Variants in IFRD1 observed in about 807,000 individuals in gnomAD.
IFRD1 encodes interferon-related developmental regulator 1.
A neutral mutation model predicts 52.9 loss-of-function variants in IFRD1; 35 were observed. The observed-to-expected ratio is 0.66, with a 90% CI of 0.51 to 0.88. The LOEUF (loss-of-function observed/expected upper bound fraction) is 0.88. Ranked by LOEUF, IFRD1 falls within the 40% of genes least tolerant of loss-of-function variation. IFRD1 has a pLI of 0.00. For synonymous variants in IFRD1, 184 were observed against 188.4 expected (o/e 0.98, Z 0.19); for missense variants, 517 against 550.8 (o/e 0.94, Z 0.61).
At chr7:112,465,983 ATTTATAAT>A (rs1795599431) in intron 8 of IFRD1, among the ~76,000 whole-genome samples, 1 of 152,204 alleles carries the variant, frequency 6.6e-6, no homozygotes, top group African/African-American at 2.4e-5. Flanking sequence ...GATAAAATAG[ATTTATAAT>A]TTATAAAACT....
chr7:112,465,104 T>C (rs1795574231), intron 8 of IFRD1, among the ~76,000 whole-genome samples: 1 of 152,178 alleles, frequency 6.6e-6, no homozygotes, highest in Non-Finnish European at 1.5e-5. Context: ...GGCAAGATCA[T>C]ACCTCACTGC....
chr7:112,467,975 G>T lies in IFRD1; in HGVS notation c.907-6G>T, dbSNP rs1795654917. Reference sequence around the variant, plus strand: ...TAAAGGAAACAAAATTGCTTTTCTTGTCCAGGACTTTTTTTATGAAGACAT... The same window carrying T: ...TAAAGGAAACAAAATTGCTTTTCTTTTCCAGGACTTTTTTTATGAAGACAT... On this transcript the variant is annotated splice_polypyrimidine_tract_variant and splice_region_variant and intron_variant, in intron 8 of 11. Transcript: ENST00000403825. 6.2e-7 allele frequency: 1 copy of T among 1,613,736 alleles called. No individual in the cohort carries two copies. Among genetic ancestry groups the T allele is most frequent in the Non-Finnish European group, 8.5e-7 (1 of 1,179,742 alleles).
At chr7:112,448,118 T>C (rs1200141782), upstream of IFRD1, among the ~76,000 whole-genome samples, 3 of 121,236 alleles carry the variant, frequency 2.5e-5, no homozygotes, top group Non-Finnish European at 5.1e-5. Context: ...TTCCTGGGCC[T>C]GTAGATTTAA....
chr7:112,442,417 G>A (rs138416657), intron 1 of IFRD1, among the ~76,000 whole-genome samples: 5 of 152,306 alleles, frequency 3.3e-5, no homozygotes, highest in Non-Finnish European at 7.3e-5. Context: ...ACATAATGAT[G>A]TCATTTTTAT....
chr7:112,463,895 C>CA (rs1491384023), intron 8 of IFRD1, among the ~76,000 whole-genome samples: 67 of 9,380 alleles, frequency 7.1e-3, no homozygotes, highest in African/African-American at 0.031. Context: ...CACACACACA[C>CA]CCCACGTATC....
Position 112,450,461 on chromosome 7 carries a change from C to T in IFRD1, c.-228C>T, listed in dbSNP as rs1347052669. On this transcript the variant is annotated 5_prime_UTR_variant, in exon 1 of 12. Coordinates refer to ENST00000403825, the MANE Select transcript of IFRD1 (RefSeq NM_001550.4). ...AGGCGTCGTGGCCTCCCCTGCCCCG[C>T]CTTAGCTCCCGCGCTAGAGAGAAAC... is the stretch of plus-strand genomic sequence containing the variant. 6 of 580,554 alleles carry T rather than the reference C, an allele frequency of 1.0e-5. No homozygotes were observed. The highest frequency in any genetic ancestry group is 9.4e-5 in the African/African-American group (5 of 53,336). The allele number at this position is 580,554 out of a possible 1,614,324, so 36.0% of individuals were successfully genotyped here.
At chr7:112,454,189 G>A (rs981438000) in intron 1 of IFRD1, among the ~76,000 whole-genome samples, 5 of 152,010 alleles carry the variant, frequency 3.3e-5, no homozygotes, top group Admixed American at 2.0e-4. Context: ...TTTAGTAACA[G>A]CATTGGTACT....
upstream of IFRD1, among the ~76,000 whole-genome samples, chr7:112,449,591 C>A (rs913727535): frequency 2.6e-5 from 4 of 152,048 alleles, no homozygotes; most frequent in African/African-American, 9.7e-5. Context: ...AATGTCCTAA[C>A]AAGGAAGACA....
upstream of IFRD1, among the ~76,000 whole-genome samples, chr7:112,448,471 G>A (rs1795079257): frequency 6.6e-6 from 1 of 152,178 alleles, no homozygotes; most frequent in African/African-American, 2.4e-5. Context: ...AGAGCCTAGG[G>A]TTATAAAAGT....
chr7:112,452,385 C>G, intron 1 of IFRD1: 1 of 764,666 alleles, frequency 1.3e-6, no homozygotes, highest in Non-Finnish European at 1.6e-6. Context: ...ACGAGTCCCT[C>G]GTCCCCAGGG....
chr7:112,473,264 ATTTG>A (rs1359738600), intron 11 of IFRD1, among the ~76,000 whole-genome samples: 2 of 152,040 alleles, frequency 1.3e-5, no homozygotes, highest in Non-Finnish European at 2.9e-5. Flanking sequence ...GGTGTTCATT[ATTTG>A]TTTCTTTTTA....
chr7:112,441,946 C>G (rs959006654), intron 1 of IFRD1, among the ~76,000 whole-genome samples: 1 of 152,136 alleles, frequency 6.6e-6, no homozygotes, highest in Admixed American at 6.5e-5. Context: ...TTGTGTGATT[C>G]CTAGCACTCG....
chr7:112,440,916 G>C (rs1291364307), intron 1 of IFRD1, among the ~76,000 whole-genome samples: 1 of 152,130 alleles, frequency 6.6e-6, no homozygotes, highest in Non-Finnish European at 1.5e-5. Flanking sequence ...TGGGCGGACT[G>C]TGTGAGTCCA....
upstream of IFRD1, among the ~76,000 whole-genome samples, chr7:112,446,792 A>C (rs944595168): frequency 8.5e-5 from 13 of 152,194 alleles, no homozygotes; most frequent in Non-Finnish European, 1.9e-4. Flanking sequence ...GCTGAAATGC[A>C]GTGGATGAAA....
intron 10 of IFRD1, 145 bp downstream of exon 10, chr7:112,472,492 T>C (rs1795775645): frequency 2.1e-6 from 2 of 951,180 alleles, no homozygotes; most frequent in Non-Finnish European, 3.3e-6. Context: ...GAAAGTAGAC[T>C]TGAATAAATC....
At chr7:112,440,658 C>A (rs751551867) in intron 1 of IFRD1, among the ~76,000 whole-genome samples, 1 of 152,254 alleles carries the variant, frequency 6.6e-6, no homozygotes, top group South Asian at 2.1e-4. Flanking sequence ...TTCCTACTGC[C>A]TTTCATCTGA....
At chr7:112,448,127 A>T (rs1295745837), upstream of IFRD1, among the ~76,000 whole-genome samples, 1 of 25,126 alleles carries the variant, frequency 4.0e-5, no homozygotes, top group Non-Finnish European at 1.0e-4. Flanking sequence ...CTGTAGATTT[A>T]AAAAAAAAAA....
chr7:112,477,160 TATAA>T lies in IFRD1; in HGVS notation c.*1650_*1653del, dbSNP rs1563275616. On this transcript the variant is annotated 3_prime_UTR_variant, in exon 12 of 12. Coordinates refer to ENST00000403825, the MANE Select transcript of IFRD1 (RefSeq NM_001550.4). The stretch of plus-strand genomic sequence containing the variant: ...ATGCATATATGTATGTACATGTAAT[TATAA>T]ATAAATAATGAATTTTTATTAAAGT... 2 of 152,356 alleles carry T rather than the reference TATAA, an allele frequency of 1.3e-5. No homozygotes were observed. Among genetic ancestry groups the T allele is most frequent in the African/African-American group, 4.8e-5 (2 of 41,574 alleles). 9.4% of individuals were successfully genotyped at this position (152,356 alleles called of 1,614,324 possible).
chr7:112,456,025 G>A lies in IFRD1; in HGVS notation c.223G>A (p.Gly75Arg). ...AGGACCAGAAGTCCTTGATGAGGAA[G>A]GAACTCAAGAAGACCTAGAGTACAA... ...EDGPEVLDEE[G>R]TQEDLEYKLK... Residue 75 changes from glycine (G) to arginine (R), a missense_variant, in exon 3 of 12, where the codon GGA becomes AGA. Transcript: ENST00000403825. 1 of 1,607,180 alleles carries A rather than the reference G, an allele frequency of 6.2e-7. No individual in the cohort carries two copies. Among genetic ancestry groups the A allele is most frequent in the Non-Finnish European group, 8.5e-7 (1 of 1,173,862 alleles).
Sources: gnomAD v4.1 joint callset for allele counts (sites outside exome capture counted in the v4.1 genomes callset) on GRCh38, gnomAD v4.1.1 for gene constraint, MANE v1.5 for transcripts, NCBI Gene and HGNC (gene_info 2026-07-23, HGNC 2026-07-21) for gene names.